The following ACBD4 variants were observed in gnomAD, a reference collection of about 807,000 sequenced individuals.
ACBD4 encodes acyl-CoA binding domain containing 4, also known as acyl-CoA-binding domain-containing protein 4.
A neutral mutation model predicts 46.0 loss-of-function variants in ACBD4; 41 were observed. The observed-to-expected ratio is 0.89, with a 90% CI of 0.69 to 1.16. The LOEUF is 1.16. Among genes scored for constraint, ACBD4 ranks in the 50% most tolerant of loss-of-function variants. The pLI is 0.00. For missense variants in ACBD4, 393 were observed against 399.5 expected, an observed-to-expected ratio of 0.98 and a Z score of 0.14; for synonymous variants, 162 against 155.9, an observed-to-expected ratio of 1.04 and a Z score of -0.29.
upstream of ACBD4, chr17:45,132,285 G>T: frequency 7.9e-7 from 1 of 1,273,086 alleles, no homozygotes. This position sits in a 1 kb window ranked among gnomAD's most constrained non-coding sequence, Gnocchi z 4.6. Flanking sequence ...GCCTCTTGGT[G>T]CCGCCATCGG....
At chr17:45,138,373 G>A in intron 8 of ACBD4, 1 of 311,124 alleles carries the variant, frequency 3.2e-6, no homozygotes, top group Non-Finnish European at 6.0e-6. Flanking sequence ...TAGAACTCCT[G>A]TTGTGTGTCA....
chr17:45,137,785 C>G lies in ACBD4; in HGVS notation c.528C>G (p.Asp176Glu). Residue 176 changes from aspartate to glutamate, a missense_variant, in exon 7 of 10, where the codon GAC becomes GAG. Coordinates refer to ENST00000321854, the MANE Select transcript of ACBD4 (RefSeq NM_001135705.3). Reference sequence around the variant, plus strand: ...AGTCCCATTCACCCAGGGACCTGGACTCCGAGGTTTTCTGTGATTCCCTGG... The same window carrying G: ...AGTCCCATTCACCCAGGGACCTGGAGTCCGAGGTTTTCTGTGATTCCCTGG... ...SPESHSPRDL[D>E]SEVFCDSLEQ... 6.2e-7 allele frequency: 1 copy of G among 1,614,040 alleles called. No individual in the cohort carries two copies. Among genetic ancestry groups the G allele is most frequent in the Non-Finnish European group, 8.5e-7 (1 of 1,180,014 alleles).
intron 8 of ACBD4, chr17:45,138,677 A>C: frequency 7.1e-6 from 2 of 281,308 alleles, no homozygotes; most frequent in Non-Finnish European, 1.4e-5. Flanking sequence ...AATCCCAGGT[A>C]TTCGGGAGGC....
rs892874816 is a variant in ACBD4, at chr17:45,137,847, T to A, written c.573+17T>A. The A allele has an allele frequency of 3.7e-6, 6 of 1,611,072 alleles. No homozygotes were observed. The African/African-American group carries it at 6.7e-5, about 18-fold the overall frequency. On this transcript the variant is annotated intron_variant, in intron 7 of 9. Transcript: ENST00000321854. ...CCTGAGCTGGTGAGCCCAGTCCCCA[T>A]TCCCCCCTTTTCCCACCCCACTGTG...
chr17:45,136,806 C>T (rs1434997517), intron 4 of ACBD4, 30 bp downstream of exon 4: 2 of 1,611,966 alleles, frequency 1.2e-6, no homozygotes, highest in Non-Finnish European at 1.7e-6. Flanking sequence ...TGTCCCCAGG[C>T]TCCTGGCCAG....
upstream of ACBD4, among the ~76,000 whole-genome samples, chr17:45,131,896 C>A (rs911197548): frequency 5.9e-5 from 9 of 152,148 alleles, no homozygotes; most frequent in African/African-American, 2.2e-4. Context: ...GACACCCTGG[C>A]AGAACCTAGA....
In ACBD4 at chr17:45,143,472, A is replaced by G; in HGVS notation, c.819A>G (p.Pro273=). ...QRPQPRPSAR[P]WPLGLPGPAL... ...CGCAGCCCAGGCCCAGTGCTCGGCC[A>G]TGGCCCCTTGGGCTCCCGGGGCCCG... Residue 273 remains proline (P), a synonymous_variant, in exon 10 of 10, where the codon CCA becomes CCG. Transcript: ENST00000321854. The G allele has an allele frequency of 6.2e-7, 1 of 1,612,860 alleles. No individual in the cohort carries two copies. The highest frequency in any genetic ancestry group is 8.5e-7 in the Non-Finnish European group (1 of 1,179,904).
chr17:45,142,894 C>T (rs2055383686), intron 9 of ACBD4: 1 of 153,322 alleles, frequency 6.5e-6, no homozygotes, highest in South Asian at 2.0e-4. Context: ...ACAGTCACAA[C>T]TTTGGCCATT....
chr17:45,133,389 A>G (rs938072853), upstream of ACBD4: 2 of 152,084 alleles, frequency 1.3e-5, no homozygotes, highest in African/African-American at 4.8e-5. Flanking sequence ...GTGGCATCCT[A>G]CAGAGAGGCT....
chr17:45,136,047 C>A (rs376895522), intron 1 of ACBD4, 61 bp from the exon 2 acceptor site: 6 of 1,303,360 alleles, frequency 4.6e-6, no homozygotes, highest in Non-Finnish European at 5.4e-6. Context: ...GAAGTGAATC[C>A]TTGGCTTATG....
Position 45,139,413 on chromosome 17 carries a change from C to T in ACBD4, c.789+253C>T, listed in dbSNP as rs188327566. 1.9e-4 allele frequency among the ~76,000 whole-genome samples: 29 copies of T among 152,280 alleles called. No homozygotes were observed. In the East Asian group the frequency reaches 1.9e-3, roughly 10 times the overall value. On this transcript the variant is annotated intron_variant, in intron 9 of 9. Coordinates refer to ENST00000321854, the MANE Select transcript of ACBD4 (RefSeq NM_001135705.3). ...TCCCTCTGCCTGGAGAGAAGCTAAG[C>T]CTCAGGACTAATCCCGTGTGGGAAG...
intron 9 of ACBD4, 28 bp downstream of exon 9, chr17:45,139,188 A>G: frequency 6.2e-7 from 1 of 1,611,244 alleles, no homozygotes; most frequent in Non-Finnish European, 8.5e-7. Context: ...ATAGGACAAG[A>G]TGATGGCAGA....
Position 45,137,402 on chromosome 17 carries a change from G to A in ACBD4, c.450G>A (p.Gly150=). 6.2e-7 allele frequency: 1 copy of A among 1,614,078 alleles called. No homozygotes were observed. The highest frequency in any genetic ancestry group is 8.5e-7 in the Non-Finnish European group (1 of 1,179,996). ...AGCAGGTTGTGAATGGAGATGTTGG[G>A]GCTGTTTCAGAGCCTCCCTGCCTCC... ...WKEQVVNGDV[G]AVSEPPCLPK... is the part of the protein sequence containing the mutation. The change falls in exon 6 of 10, where the codon GGG becomes GGA. Residue 150 remains glycine, a synonymous_variant. Transcript: ENST00000321854.
At chr17:45,138,191 A>C in intron 8 of ACBD4, 15 of 611,456 alleles carry the variant, frequency 2.5e-5, no homozygotes, top group Non-Finnish European at 3.2e-5. Context: ...CCTCTCCCCA[A>C]AGGGCACCCA....
In ACBD4 at chr17:45,143,633, A is replaced by G. The variant is rs752386346; in HGVS notation, c.*62A>G. 6 of 1,611,982 alleles carry G rather than the reference A, an allele frequency of 3.7e-6. No individual in the cohort carries two copies. Among genetic ancestry groups the G allele is most frequent in the Non-Finnish European group, 5.1e-6 (6 of 1,178,884 alleles). On this transcript the variant is annotated 3_prime_UTR_variant, in exon 10 of 10. Coordinates refer to ENST00000321854, the MANE Select transcript of ACBD4 (RefSeq NM_001135705.3). Reference sequence around the variant, plus strand: ...ATCTTGCTGTGCCCTGAGCCTTCCTAGGGTTTAGAAGAACAGCATTCAAAA... The same window carrying G: ...ATCTTGCTGTGCCCTGAGCCTTCCTGGGGTTTAGAAGAACAGCATTCAAAA...
At chr17:45,131,906 A>G (rs1021175391), upstream of ACBD4, among the ~76,000 whole-genome samples, 4 of 151,796 alleles carry the variant, frequency 2.6e-5, no homozygotes, top group African/African-American at 7.3e-5. Context: ...CAGAACCTAG[A>G]TACTGCTGGG....
rs759181684 is a variant in ACBD4 at position 45,139,015 on chromosome 17, C to A, written c.650-6C>A. 2.5e-6 allele frequency: 4 copies of A among 1,612,460 alleles called. No homozygotes were observed. The Admixed American group carries it at 6.7e-5, about 27-fold the overall frequency. ...GCCCCCTTCCCTGTGTGTCTGTGCTCCGCAGAGGGGTTGCGGGGCAGCCCG... is the reference window on the plus strand; with the variant it reads ...GCCCCCTTCCCTGTGTGTCTGTGCTACGCAGAGGGGTTGCGGGGCAGCCCG... On this transcript the variant is annotated splice_region_variant and splice_polypyrimidine_tract_variant and intron_variant, in intron 8 of 9. Transcript: ENST00000321854.
At chr17:45,136,291 G>A (rs1267890625) in intron 2 of ACBD4, 59 bp downstream of exon 2, 2 of 1,600,702 alleles carry the variant, frequency 1.2e-6, no homozygotes, top group Admixed American at 1.7e-5. Context: ...GTCTGACTCT[G>A]AAGAAAGAAT....
In ACBD4 at chr17:45,135,886, T is replaced by TCTGG. The variant is rs1196934379; in HGVS notation, c.-103_-100dup. On this transcript the variant is annotated 5_prime_UTR_variant, in exon 1 of 10. Transcript: ENST00000321854. Reference sequence around the variant, plus strand: ...GGAGGCGCATCTGGGGACGGACACATCTGGCACTGAGGCCCTCGCCACCTG... The same window carrying TCTGG: ...GGAGGCGCATCTGGGGACGGACACATCTGGCTGGCACTGAGGCCCTCGCCACCTG... 4.1e-6 allele frequency: 2 copies of TCTGG among 488,762 alleles called. No homozygotes were observed. The highest frequency in any genetic ancestry group is 3.3e-5 in the Admixed American group (1 of 30,048). 30.3% of individuals were successfully genotyped at this position (488,762 alleles called of 1,614,324 possible). A position where few individuals can be genotyped will look rare whatever the true frequency, so the allele number is the denominator to read the frequency against.
Sources: gnomAD v4.1 joint callset for allele counts (sites outside exome capture counted in the v4.1 genomes callset) on GRCh38, gnomAD v4.1.1 for gene constraint, Gnocchi (gnomAD v3.1) non-coding constraint, MANE v1.5 for transcripts, NCBI Gene and HGNC (gene_info 2026-07-23, HGNC 2026-07-21) for gene names.